The following MBNL2 variants were observed in gnomAD, a reference collection of about 807,000 sequenced individuals.
MBNL2 encodes the protein muscleblind like splicing regulator 2.
A neutral mutation model predicts 41.9 loss-of-function variants in MBNL2; 17 were observed. The observed-to-expected ratio is 0.41, with a 90% CI of 0.28 to 0.61. MBNL2 has a LOEUF of 0.61. Among genes scored for constraint, MBNL2 ranks in the 20% least tolerant of loss-of-function variants. The pLI, the probability that MBNL2 is intolerant of heterozygous loss-of-function variation, is 0.35. For synonymous variants in MBNL2, 195 were observed against 182.9 expected (o/e 1.07, Z -0.53); for missense variants, 336 against 505.6 (o/e 0.66, Z 3.22).
the MBNL2 span, among the ~76,000 whole-genome samples, chr13:97,149,343 T>C: frequency 6.6e-6 from 1 of 152,160 alleles, no homozygotes; most frequent in African/African-American, 2.4e-5. Context: ...CTGCGCATGC[T>C]TAGTAAATAT....
At chr13:97,267,952 T>C (rs142394366) in intron 1 of MBNL2, among the ~76,000 whole-genome samples, 43 of 152,360 alleles carry the variant, frequency 2.8e-4, no homozygotes, top group African/African-American at 9.9e-4. Flanking sequence ...GTTTTCAAGC[T>C]TGAGCCTGCA....
At chr13:97,254,138 C>T (rs755538742) in intron 1 of MBNL2, among the ~76,000 whole-genome samples, 10 of 152,280 alleles carry the variant, frequency 6.6e-5, no homozygotes, top group Admixed American at 5.9e-4. Context: ...CTGCCTCCCT[C>T]GGCCTTCCAA....
chr13:97,200,922 T>G, the MBNL2 span, among the ~76,000 whole-genome samples: 1 of 152,166 alleles, frequency 6.6e-6, no homozygotes, highest in Non-Finnish European at 1.5e-5. Flanking sequence ...ATGCTATGAC[T>G]TATTTCCTTT....
rs913061747 is a variant in MBNL2 at position 97,225,911 on chromosome 13, A to G, written c.-605+3380A>G. Among the ~76,000 whole-genome samples the G allele has an allele frequency of 2.0e-5, 3 of 152,346 alleles. No individual in the cohort carries two copies. In the East Asian group the frequency reaches 5.8e-4, roughly 29 times the overall value. On this transcript the variant is annotated intron_variant, in intron 1 of 8. Transcript: ENST00000679496. The stretch of plus-strand genomic sequence containing the variant: ...ACTGCTGGGGAGAGCAAAGAGCTTG[A>G]TATTTTAATGCTTTGGTTTCTCTCA...
At chr13:97,321,848 T>G (rs1566415668) in intron 2 of MBNL2, among the ~76,000 whole-genome samples, 1 of 152,310 alleles carries the variant, frequency 6.6e-6, no homozygotes, top group East Asian at 1.9e-4. Context: ...TGCCACTTAC[T>G]TACTAGCTGT....
chr13:97,355,049 C>T (rs919326193), intron 5 of MBNL2, among the ~76,000 whole-genome samples: 3 of 152,016 alleles, frequency 2.0e-5, no homozygotes, highest in Non-Finnish European at 2.9e-5. Flanking sequence ...ATGGAAGATT[C>T]GAAACAAAAA....
At chr13:97,388,105 T>C (rs1218717148) in intron 8 of MBNL2, among the ~76,000 whole-genome samples, 1 of 152,110 alleles carries the variant, frequency 6.6e-6, no homozygotes, top group African/African-American at 2.4e-5. Flanking sequence ...GTATTTTAAT[T>C]AGCATTTTAA....
rs2052137068 is a variant in MBNL2, at chr13:97,276,428, T to C, written c.174+19T>C. The C allele has an allele frequency of 6.2e-7, 1 of 1,611,396 alleles. No homozygotes were observed. Among genetic ancestry groups the C allele is most frequent in the Non-Finnish European group, 8.5e-7 (1 of 1,177,622 alleles). ...CCTAAAGGTAAGAGAATGCGTTTTA[T>C]GTGTCATTTCAATACCACATTGGAA... On this transcript the variant is annotated intron_variant, in intron 2 of 8. Coordinates refer to ENST00000679496, the MANE Select transcript of MBNL2 (RefSeq NM_001382683.1).
chr13:97,264,662 A>G (rs2049365566), intron 1 of MBNL2, among the ~76,000 whole-genome samples: 1 of 152,232 alleles, frequency 6.6e-6, no homozygotes, highest in African/African-American at 2.4e-5. Context: ...GTGATAATAA[A>G]AGTTGTGTTA....
intron 3 of MBNL2, among the ~76,000 whole-genome samples, chr13:97,339,488 A>G (rs1464130037): frequency 6.6e-6 from 1 of 152,154 alleles, no homozygotes; most frequent in East Asian, 1.9e-4. Context: ...CTTTGAGCTG[A>G]GAGATGACGT....
At chr13:97,170,960 G>A in the MBNL2 span, among the ~76,000 whole-genome samples, 2 of 152,166 alleles carry the variant, frequency 1.3e-5, no homozygotes, top group African/African-American at 2.4e-5. Flanking sequence ...AAGAGGGAGA[G>A]GAGCTGGATC....
rs869034692 is a variant in MBNL2 at position 97,251,834 on chromosome 13, C to CTTTTT, written c.-604-23775_-604-23771dup. ...TATTTATTATCTTGTATCCTCAATT[C>CTTTTT]TTTTTTTTTTTTTTTTTTTTTTTTT... On this transcript the variant is annotated intron_variant, in intron 1 of 8. Coordinates refer to ENST00000679496, the MANE Select transcript of MBNL2 (RefSeq NM_001382683.1). Among the ~76,000 whole-genome samples the CTTTTT allele has an allele frequency of 1.3e-3, 89 of 69,606 alleles. 7 individuals are homozygous for CTTTTT. The highest frequency in any genetic ancestry group is 4.3e-3 in the African/African-American group (77 of 17,946). 45.7% of individuals were successfully genotyped at this position (69,606 alleles called of 152,430 possible). A position where few individuals can be genotyped will look rare whatever the true frequency, so the allele number is the denominator to read the frequency against.
chr13:97,269,221 G>T (rs184768173), intron 1 of MBNL2, among the ~76,000 whole-genome samples: 6 of 152,110 alleles, frequency 3.9e-5, no homozygotes, highest in Non-Finnish European at 7.4e-5. Flanking sequence ...AGAAGTGAAA[G>T]AAATGGAAGC....
At chr13:97,291,660 C>T (rs1050980083) in intron 2 of MBNL2, among the ~76,000 whole-genome samples, 3 of 151,684 alleles carry the variant, frequency 2.0e-5, no homozygotes, top group Non-Finnish European at 4.4e-5. Flanking sequence ...TTTGGGAAGC[C>T]GAGGTGGGCG....
chr13:97,173,655 C>A, the MBNL2 span, among the ~76,000 whole-genome samples: 1 of 152,160 alleles, frequency 6.6e-6, no homozygotes, highest in Non-Finnish European at 1.5e-5. Flanking sequence ...AGCCCGTGAT[C>A]CAGCCATTTC....
intron 2 of MBNL2, among the ~76,000 whole-genome samples, chr13:97,328,199 C>T (rs1337009389): frequency 7.4e-6 from 1 of 134,938 alleles, no homozygotes; most frequent in Non-Finnish European, 1.6e-5. Flanking sequence ...TTTTTTTACA[C>T]TGCTTCTCCA....
chr13:97,188,916 C>T, the MBNL2 span, among the ~76,000 whole-genome samples: 1 of 152,154 alleles, frequency 6.6e-6, no homozygotes, highest in Non-Finnish European at 1.5e-5. Context: ...GAAACCGCTA[C>T]ACCTTGACCC....
chr13:97,277,675 A>G (rs957074042), intron 2 of MBNL2, among the ~76,000 whole-genome samples: 1 of 152,220 alleles, frequency 6.6e-6, no homozygotes, highest in African/African-American at 2.4e-5. Flanking sequence ...TTCTGACCCA[A>G]CAAAAGTCTT....
chr13:97,220,161 C>T (rs1566346795), upstream of MBNL2, among the ~76,000 whole-genome samples: 1 of 152,142 alleles, frequency 6.6e-6, no homozygotes, highest in Non-Finnish European at 1.5e-5. Context: ...TTTAGAAATA[C>T]CAGTAAGAAT....
Sources: gnomAD v4.1 joint callset for allele counts (sites outside exome capture counted in the v4.1 genomes callset) on GRCh38, gnomAD v4.1.1 for gene constraint, MANE v1.5 for transcripts, NCBI Gene and HGNC (gene_info 2026-07-23, HGNC 2026-07-21) for gene names.